BRINP3: variants seen among roughly 807,000 people sequenced by gnomAD.
BRINP3 encodes the protein BMP/retinoic acid inducible neural specific 3, also known as BMP/retinoic acid-inducible neural-specific protein 3.
BRINP3 carries 19 observed loss-of-function variants against 71.0 expected under a neutral mutation model. That is an observed-to-expected ratio of 0.27 (90% CI 0.19 to 0.39). BRINP3 has a LOEUF of 0.39. Ranked by LOEUF, BRINP3 falls within the 10% of genes least tolerant of loss-of-function variation. The pLI is 1.00. For missense variants in BRINP3, 959 were observed against 940.8 expected, an observed-to-expected ratio of 1.02 and a Z score of -0.25; for synonymous variants, 380 against 337.7, an observed-to-expected ratio of 1.13 and a Z score of -1.37.
chr1:190,377,129 A>G (rs997129751), intron 2 of BRINP3, among the ~76,000 whole-genome samples: 4 of 151,960 alleles, frequency 2.6e-5, no homozygotes, highest in Non-Finnish European at 4.4e-5. Context: ...AATGGTTGCT[A>G]TATTATAAAG....
intron 2 of BRINP3, among the ~76,000 whole-genome samples, chr1:190,398,646 T>C (rs989537419): frequency 6.6e-6 from 1 of 152,166 alleles, no homozygotes; most frequent in Non-Finnish European, 1.5e-5. Flanking sequence ...AAACATAGTA[T>C]AAAACTATAA....
At chr1:190,471,586 C>T (rs1330589909) in intron 1 of BRINP3, among the ~76,000 whole-genome samples, 2 of 151,312 alleles carry the variant, frequency 1.3e-5, no homozygotes, top group Non-Finnish European at 3.0e-5. Context: ...CGGATGTCAT[C>T]CTAATTAATT....
At chr1:190,224,554 A>T (rs1260340068) in intron 6 of BRINP3, among the ~76,000 whole-genome samples, 1 of 151,892 alleles carries the variant, frequency 6.6e-6, no homozygotes, top group Admixed American at 6.6e-5. Context: ...AGGAAACACT[A>T]CAGGACATTG....
intron 7 of BRINP3, among the ~76,000 whole-genome samples, chr1:190,128,777 C>T (rs1654294413): frequency 6.6e-6 from 1 of 151,766 alleles, no homozygotes; most frequent in South Asian, 2.1e-4. Context: ...ATCATGCAAA[C>T]TAATGTCTGA....
chr1:190,333,419 AAG>A (rs1352844271), intron 2 of BRINP3, among the ~76,000 whole-genome samples: 2 of 151,896 alleles, frequency 1.3e-5, no homozygotes, highest in East Asian at 1.9e-4. Flanking sequence ...TTAAGATATC[AAG>A]AGAGTGAAAA....
chr1:190,383,665 G>T (rs891461703), intron 2 of BRINP3, among the ~76,000 whole-genome samples: 2 of 151,796 alleles, frequency 1.3e-5, no homozygotes, highest in African/African-American at 4.8e-5. Flanking sequence ...CATTTTACCT[G>T]GTAAAGTTAC....
chr1:190,367,378 G>T (rs1406335096), intron 2 of BRINP3, among the ~76,000 whole-genome samples: 1 of 152,198 alleles, frequency 6.6e-6, no homozygotes, highest in Non-Finnish European at 1.5e-5. Context: ...TCCCGAGGCT[G>T]CACAAATCAG....
rs547962766 is a variant in BRINP3, at chr1:190,215,617, A to C, written c.961+10465T>G. ...TAAATCTAGCTAACCCAATCTTTGCAATACTGCAGTATTCAAATTATTTGG... is the reference window on the plus strand; with the variant it reads ...TAAATCTAGCTAACCCAATCTTTGCCATACTGCAGTATTCAAATTATTTGG... On this transcript the variant is annotated intron_variant, in intron 6 of 7. Coordinates refer to ENST00000367462, the MANE Select transcript of BRINP3 (RefSeq NM_199051.3). 3.3e-5 allele frequency among the ~76,000 whole-genome samples: 5 copies of C among 152,058 alleles called. No individual in the cohort carries two copies. The South Asian group carries it at 1.0e-3, about 31-fold the overall frequency.
At chr1:190,382,680 C>A (rs1355969945) in intron 2 of BRINP3, among the ~76,000 whole-genome samples, 1 of 152,098 alleles carries the variant, frequency 6.6e-6, no homozygotes, top group Non-Finnish European at 1.5e-5. Flanking sequence ...AATTCAAATG[C>A]CCTTCTAATG....
chr1:190,191,727 G>A (rs1171417607), intron 6 of BRINP3, among the ~76,000 whole-genome samples: 2 of 152,018 alleles, frequency 1.3e-5, no homozygotes, highest in Non-Finnish European at 1.5e-5. Flanking sequence ...ATGTGTGCCT[G>A]TGTTTTTAAT....
chr1:190,345,937 A>C (rs149930357), intron 2 of BRINP3, among the ~76,000 whole-genome samples: 156 of 152,068 alleles, frequency 1.0e-3, no homozygotes, highest in African/African-American at 3.5e-3. Flanking sequence ...AGATAGCTTA[A>C]ATAGTTTAAT....
At chr1:190,466,883 A>C (rs1283885977) in intron 1 of BRINP3, among the ~76,000 whole-genome samples, 1 of 151,612 alleles carries the variant, frequency 6.6e-6, no homozygotes. Flanking sequence ...CTGATTTTTC[A>C]TTAATTATTA....
At chr1:190,305,132 G>A (rs773898895) in intron 2 of BRINP3, among the ~76,000 whole-genome samples, 44 of 151,854 alleles carry the variant, frequency 2.9e-4, no homozygotes, top group Non-Finnish European at 4.9e-4. Context: ...GTAAAGATGT[G>A]GTGAAAAGGG....
intron 3 of BRINP3, among the ~76,000 whole-genome samples, chr1:190,266,242 A>C (rs538247096): frequency 3.3e-5 from 5 of 152,312 alleles, no homozygotes; most frequent in Admixed American, 6.5e-5. Context: ...AAGTTTGTCT[A>C]ATAGAATAGT....
intron 6 of BRINP3, among the ~76,000 whole-genome samples, chr1:190,184,785 T>C (rs984098299): frequency 5.3e-5 from 8 of 152,102 alleles, no homozygotes; most frequent in African/African-American, 1.9e-4. Context: ...ACCTATCATA[T>C]ACTATATTCA....
chr1:190,379,252 A>T (rs1419434844), intron 2 of BRINP3, among the ~76,000 whole-genome samples: 1 of 152,200 alleles, frequency 6.6e-6, no homozygotes, highest in Non-Finnish European at 1.5e-5. Context: ...TGAATTAAAT[A>T]TGTGTTTATT....
At chr1:190,314,608 G>A (rs1665757818) in intron 2 of BRINP3, among the ~76,000 whole-genome samples, 1 of 152,124 alleles carries the variant, frequency 6.6e-6, no homozygotes, top group Non-Finnish European at 1.5e-5. Context: ...TGAAAAGTTA[G>A]GAAACTATTT....
At position 190,111,199 on chromosome 1, in the gene BRINP3, A is replaced by AC. The variant is rs1420101260; in HGVS notation, c.1185-12066_1185-12065insG. 6.7e-5 allele frequency among the ~76,000 whole-genome samples: 10 copies of AC among 149,492 alleles called. 1 individual carries two copies. The highest frequency in any genetic ancestry group is 2.3e-4 in the African/African-American group (9 of 39,690). On this transcript the variant is annotated intron_variant, in intron 7 of 7. Transcript: ENST00000367462. ...GACTCCATTAAAAAAAAAAAAAAAA[A>AC]AAAAAAAAACTTTAGAACTTTAATT... is the stretch of plus-strand genomic sequence containing the variant.
intron 6 of BRINP3, among the ~76,000 whole-genome samples, chr1:190,168,218 T>C (rs980492873): frequency 6.9e-6 from 1 of 145,182 alleles, no homozygotes; most frequent in African/African-American, 2.7e-5. Context: ...TGTATATATA[T>C]ATATATATAA....
Sources: allele counts gnomAD v4.1 joint callset (sites outside exome capture counted in the v4.1 genomes callset), GRCh38; gene constraint gnomAD v4.1.1; transcripts MANE v1.5; gene names NCBI Gene and HGNC (gene_info 2026-07-23, HGNC 2026-07-21).